Variants in SLFN13 observed in about 807,000 individuals in gnomAD.
The protein encoded by SLFN13 is schlafen-13.
A neutral mutation model predicts 50.6 loss-of-function variants in SLFN13; 43 were observed. The ratio of observed to expected loss-of-function variants is 0.85; its 90% CI spans 0.67 to 1.09. SLFN13 has a LOEUF of 1.09. Ranked by LOEUF, SLFN13 falls within the 50% of genes least tolerant of loss-of-function variation. SLFN13 has a pLI of 0.00. For synonymous variants in SLFN13, 339 were observed against 386.5 expected (o/e 0.88, Z 1.44); for missense variants, 881 against 1,071.1 (o/e 0.82, Z 2.48).
chr17:35,444,988 T>C lies in SLFN13; in HGVS notation c.693A>G (p.Pro231=). ...TGTTTGCAAATGCAGAGATGTACTC[T>C]GGAATTATATTTTCTACATATTGTT... is the stretch of plus-strand genomic sequence containing the variant. ...HIQQYVENII[P]EYISAFANTE... The change falls in exon 3 of 6, where the codon CCA becomes CCG. Residue 231 remains proline (P), a synonymous_variant. Transcript: ENST00000285013. 3 of 1,614,154 alleles carry C rather than the reference T, an allele frequency of 1.9e-6. No individual in the cohort carries two copies. Among genetic ancestry groups the C allele is most frequent in the Non-Finnish European group, 2.5e-6 (3 of 1,180,024 alleles).
chr17:35,445,316 G>A lies in SLFN13; in HGVS notation c.365C>T (p.Ser122Phe). 6.2e-7 allele frequency: 1 copy of A among 1,613,742 alleles called. No individual in the cohort carries two copies. The highest frequency in any genetic ancestry group is 2.2e-5 in the East Asian group (1 of 44,878). Reference protein sequence around the residue: ...WSGDPFLKDGSFNSRICSLSS... With the variant: ...WSGDPFLKDGFFNSRICSLSS... ...AAGGCTGCAAATGCGGGAATTGAAA[G>A]AACCATCTTTAAGGAAAGGATCACC... Residue 122 changes from serine to phenylalanine, a missense_variant, in exon 3 of 6, where the codon TCT (serine) becomes TTT (phenylalanine). Ser to Phe is a radical substitution (Grantham distance 155, BLOSUM62 -2). Transcript: ENST00000285013.
At chr17:35,444,262 C>T (rs1371530386) in intron 3 of SLFN13, among the ~76,000 whole-genome samples, 1 of 152,198 alleles carries the variant, frequency 6.6e-6, no homozygotes, top group Non-Finnish European at 1.5e-5. Flanking sequence ...TCAACTTAAA[C>T]AAACCTCAAC....
Position 35,440,486 on chromosome 17 carries a change from A to T in SLFN13, c.*109T>A. On this transcript the variant is annotated 3_prime_UTR_variant, in exon 6 of 6. Coordinates refer to ENST00000285013, the MANE Select transcript of SLFN13 (RefSeq NM_144682.6). ...AAACTCTTTGTGTCAGCTCTGTCCA[A>T]ATCTCTAACTGACTTGTGAACTAAA... The T allele has an allele frequency of 7.4e-7, 1 of 1,348,002 alleles. No individual in the cohort carries two copies. Among genetic ancestry groups the T allele is most frequent in the South Asian group, 1.4e-5 (1 of 72,218 alleles). The allele number at this position is 1,348,002 out of a possible 1,614,324, so 83.5% of individuals were successfully genotyped here.
chr17:35,441,083 C>G lies in SLFN13; in HGVS notation c.2206G>C (p.Glu736Gln). Residue 736 changes from glutamate to glutamine, a missense_variant, in exon 6 of 6, where the codon GAA becomes CAA. Coordinates refer to ENST00000285013, the MANE Select transcript of SLFN13 (RefSeq NM_144682.6). Reference sequence around the variant, plus strand: ...TCTTGTTGTATGTACTCGGCTATTTCATCTGCATTGCGAACTACTCTGGTG... The same window carrying G: ...TCTTGTTGTATGTACTCGGCTATTTGATCTGCATTGCGAACTACTCTGGTG... ...ELTRVVRNAD[E>Q]IAEYIQQEMQ... is the part of the protein sequence containing the mutation. 1 of 1,614,032 alleles carries G rather than the reference C, an allele frequency of 6.2e-7. No homozygotes were observed. The highest frequency in any genetic ancestry group is 1.1e-5 in the South Asian group (1 of 91,076).
At position 35,438,207 on chromosome 17, in the gene SLFN13, T is replaced by C. The variant is rs1262415792; in HGVS notation, c.*2388A>G. The C allele has an allele frequency of 1.3e-5, 2 of 152,076 alleles. No homozygotes were observed. Among genetic ancestry groups the C allele is most frequent in the African/African-American group, 4.8e-5 (2 of 41,450 alleles). 9.4% of individuals were successfully genotyped at this position (152,076 alleles called of 1,614,324 possible). ...AGTTGCTGGCCTCAGTCTTCTCCTT[T>C]TCCTCCATTTAATCATTTATTTTAC... is the stretch of plus-strand genomic sequence containing the variant. On this transcript the variant is annotated 3_prime_UTR_variant, in exon 6 of 6. Coordinates refer to ENST00000285013, the MANE Select transcript of SLFN13 (RefSeq NM_144682.6).
At chr17:35,445,783 TA>T in intron 2 of SLFN13, 90 bp from the exon 3 acceptor site, 1 of 1,065,812 alleles carries the variant, frequency 9.4e-7, no homozygotes, top group South Asian at 1.7e-5. Flanking sequence ...AAAACGTGTC[TA>T]ATATGTGCTG....
In SLFN13 at chr17:35,440,492, T is replaced by A; in HGVS notation, c.*103A>T. On this transcript the variant is annotated 3_prime_UTR_variant, in exon 6 of 6. Coordinates refer to ENST00000285013, the MANE Select transcript of SLFN13 (RefSeq NM_144682.6). ...TTTGTGTCAGCTCTGTCCAAATCTC[T>A]AACTGACTTGTGAACTAAAAAGAAA... The A allele has an allele frequency of 7.2e-7, 1 of 1,383,570 alleles. No individual in the cohort carries two copies. The highest frequency in any genetic ancestry group is 1.0e-6 in the Non-Finnish European group (1 of 1,004,334). The allele number at this position is 1,383,570 out of a possible 1,614,324, so 85.7% of individuals were successfully genotyped here.
Position 35,441,267 on chromosome 17 carries a change from A to T in SLFN13, c.2022T>A (p.Arg674=). 2 of 1,614,046 alleles carry T rather than the reference A, an allele frequency of 1.2e-6. No individual in the cohort carries two copies. The highest frequency in any genetic ancestry group is 1.7e-6 in the Non-Finnish European group (2 of 1,180,002). Residue 674 remains arginine, a synonymous_variant, in exon 6 of 6, where the codon CGT becomes CGA. Coordinates refer to ENST00000285013, the MANE Select transcript of SLFN13 (RefSeq NM_144682.6). The part of the protein sequence containing the change: ...HIVIDEAQNF[R]TEDGDWYRKA... ...TCCTATACCAGTCCCCATCTTCAGT[A>T]CGGAAATTCTGAGCTTCGTCAATGA...
At chr17:35,445,973 G>T (rs1415824009) in intron 2 of SLFN13, 1 of 271,672 alleles carries the variant, frequency 3.7e-6, no homozygotes, top group Non-Finnish European at 6.9e-6. Context: ...AGACTTCCAG[G>T]AGTAGGTTCC....
intron 3 of SLFN13, among the ~76,000 whole-genome samples, chr17:35,444,139 T>C (rs766330173): frequency 6.6e-6 from 1 of 152,206 alleles, no homozygotes; most frequent in South Asian, 2.1e-4. Context: ...TGCAATATAA[T>C]GCCCCCTCTT....
Position 35,445,118 on chromosome 17 carries a change from G to A in SLFN13, c.563C>T (p.Pro188Leu). The stretch of plus-strand genomic sequence containing the variant: ...GTCAGTTTGGAAAACTTCATATGCA[G>A]GATTTGACTCAGATATGTTCTGGTA... ...AVYQNISESN[P>L]AYEVFQTDTI... The change falls in exon 3 of 6, where the codon CCT becomes CTT. Residue 188 changes from proline to leucine, a missense_variant. Pro to Leu is a moderately conservative substitution (Grantham distance 98). Coordinates refer to ENST00000285013, the MANE Select transcript of SLFN13 (RefSeq NM_144682.6). 2 of 1,613,456 alleles carry A rather than the reference G, an allele frequency of 1.2e-6. No homozygotes were observed. Among genetic ancestry groups the A allele is most frequent in the South Asian group, 1.1e-5 (1 of 91,078 alleles).
In SLFN13 at chr17:35,442,365, C is replaced by T; in HGVS notation, c.1199-79G>A. ...TGAATCACATGTTACATTTAAAAGA[C>T]AGAGGAAAGCCCCCAAAGAATTGTA... On this transcript the variant is annotated intron_variant, in intron 4 of 5. Transcript: ENST00000285013. 2.8e-6 allele frequency: 4 copies of T among 1,427,426 alleles called. No individual in the cohort carries two copies. In the South Asian group the frequency reaches 5.9e-5, roughly 21 times the overall value. 88.4% of individuals were successfully genotyped at this position (1,427,426 alleles called of 1,614,324 possible).
intron 3 of SLFN13, 38 bp from the exon 4 acceptor site, chr17:35,443,958 T>C: frequency 6.3e-7 from 1 of 1,597,250 alleles, no homozygotes; most frequent in Non-Finnish European, 8.6e-7. Flanking sequence ...CTATATGATT[T>C]CATGTCTCGC....
chr17:35,440,626 C>A lies in SLFN13; in HGVS notation c.2663G>T (p.Arg888Met). The change falls in exon 6 of 6, where the codon AGG becomes ATG. Residue 888 changes from arginine (R) to methionine (M), a missense_variant. This residue lies in a region of SLFN13 where 322 missense variants were observed against 327.4 expected (regional missense o/e 0.98). Coordinates refer to ENST00000285013, the MANE Select transcript of SLFN13 (RefSeq NM_144682.6). ...AAAAATATATAGGTGCTGTTTTGCC[C>A]TGGAAGCCAGACAGATCAGAATATT... ...LPNILICLAS[R>M]AKQHLYIFL 1.2e-6 allele frequency: 2 copies of A among 1,614,104 alleles called. No homozygotes were observed. The highest frequency in any genetic ancestry group is 1.7e-6 in the Non-Finnish European group (2 of 1,180,010).
In SLFN13 at chr17:35,445,098, T is replaced by A. The variant is rs919663711; in HGVS notation, c.583A>T (p.Thr195Ser). 1 of 1,613,784 alleles carries A rather than the reference T, an allele frequency of 6.2e-7. No homozygotes were observed. Among genetic ancestry groups the A allele is most frequent in the East Asian group, 2.2e-5 (1 of 44,884 alleles). The change falls in exon 3 of 6, where the codon ACT becomes TCT. Residue 195 changes from threonine to serine, a missense_variant. Thr to Ser is a moderately conservative substitution (Grantham distance 58, BLOSUM62 1). Transcript: ENST00000285013. The part of the protein sequence containing the change: ...ESNPAYEVFQ[T>S]DTIEYGEILS... ...ATTTCACCATATTCAATAGTGTCAG[T>A]TTGGAAAACTTCATATGCAGGATTT...
chr17:35,438,107 TAAAAAAAAAA>T lies in SLFN13; in HGVS notation c.*2478_*2487del, dbSNP rs11337992. ...GAAACACAGTGAGACCTTTTCTCTT[TAAAAAAAAAA>T]AAAAAAAAAATTTACAGTTAATCTT... On this transcript the variant is annotated 3_prime_UTR_variant, in exon 6 of 6. Transcript: ENST00000285013. 1.4e-4 allele frequency: 20 copies of T among 141,330 alleles called. No individual in the cohort carries two copies. The highest frequency in any genetic ancestry group is 3.9e-4 in the African/African-American group (15 of 38,594). The allele number at this position is 141,330 out of a possible 1,614,324, so 8.8% of individuals were successfully genotyped here.
chr17:35,443,160 G>A (rs530433351), intron 4 of SLFN13, among the ~76,000 whole-genome samples: 1 of 152,144 alleles, frequency 6.6e-6, no homozygotes, highest in Admixed American at 6.5e-5. Flanking sequence ...TTGTAAGTAG[G>A]AACTCCGAGA....
chr17:35,436,662 G>A lies in SLFN13; in HGVS notation c.*3933C>T, dbSNP rs941443257. On this transcript the variant is annotated 3_prime_UTR_variant, in exon 6 of 6. Coordinates refer to ENST00000285013, the MANE Select transcript of SLFN13 (RefSeq NM_144682.6). ...TGAGAACCGTAACAGCCCTTCTATG[G>A]AATTCATGCCAAAAATGCATAACCT... 9 of 152,072 alleles carry A rather than the reference G, an allele frequency of 5.9e-5. No individual in the cohort carries two copies. The highest frequency in any genetic ancestry group is 2.2e-4 in the African/African-American group (9 of 41,408). 9.4% of individuals were successfully genotyped at this position (152,072 alleles called of 1,614,324 possible).
In SLFN13 at chr17:35,445,464, TG is replaced by T; in HGVS notation, c.216del (p.Thr73GlnfsTer7). The T allele has an allele frequency of 6.2e-7, 1 of 1,614,188 alleles. No individual in the cohort carries two copies. Among genetic ancestry groups the T allele is most frequent in the Non-Finnish European group, 8.5e-7 (1 of 1,180,026 alleles). On this transcript the variant is annotated frameshift_variant, in exon 3 of 6. Transcript: ENST00000285013. LOFTEE classifies it high-confidence loss of function. ...TCTTCTAAATCCAGTCCCATCTCTG[TG>T]GGACGCTCATCCCTGTTGGCCATTT... Reference protein sequence around the residue: ...QMEMANRDERPTEMGLDLEES... With the variant: ...QMEMANRDERXTEMGLDLEES...
Sources: allele counts gnomAD v4.1 joint callset (sites outside exome capture counted in the v4.1 genomes callset), GRCh38; gene constraint gnomAD v4.1.1; regional missense constraint gnomAD v4.1.1; transcripts MANE v1.5; gene names NCBI Gene and HGNC (gene_info 2026-07-23, HGNC 2026-07-21).